ADCY3: variants seen among roughly 807,000 people sequenced by gnomAD.
The protein encoded by ADCY3 is adenylate cyclase type 3.
A neutral mutation model predicts 119.4 loss-of-function variants in ADCY3; 70 were observed. The ratio of observed to expected loss-of-function variants is 0.59; its 90% confidence interval spans 0.48 to 0.72. The LOEUF is 0.72. ADCY3 is among the 30% of genes least tolerant of loss of function. ADCY3 has a pLI of 0.00. For synonymous variants in ADCY3, 672 were observed against 621.4 expected (o/e 1.08, Z -1.21); for missense variants, 1,238 against 1,541.6 (o/e 0.80, Z 3.30).
chr2:24,912,055 AAC>A (rs1444805150), intron 2 of ADCY3, among the ~76,000 whole-genome samples: 1 of 152,228 alleles, frequency 6.6e-6, no homozygotes, highest in East Asian at 1.9e-4. Flanking sequence ...GAGCTCAGTA[AAC>A]ACAGCCACCT....
chr2:24,908,481 T>C (rs1663172985), intron 2 of ADCY3, among the ~76,000 whole-genome samples: 1 of 152,086 alleles, frequency 6.6e-6, no homozygotes, highest in Non-Finnish European at 1.5e-5. Context: ...AGAAAAGAGA[T>C]GAAAAAAGGA....
rs1487312914 is a variant in ADCY3, at chr2:24,841,674, G to T, written c.957-7C>A. On this transcript the variant is annotated splice_polypyrimidine_tract_variant and splice_region_variant and intron_variant, in intron 4 of 21. Transcript: ENST00000679454. The surrounding 1 kb of genome is among the most constrained non-coding windows in gnomAD (Gnocchi z 5.8). ...GATGTCGGCAAAGAGGATGCTGCATGAGGAAGGAACCGTGGGGGTGACGCT... is the reference window on the plus strand; with the variant it reads ...GATGTCGGCAAAGAGGATGCTGCATTAGGAAGGAACCGTGGGGGTGACGCT... The T allele has an allele frequency of 6.2e-7, 1 of 1,611,442 alleles. No individual in the cohort carries two copies. Among genetic ancestry groups the T allele is most frequent in the African/African-American group, 1.3e-5 (1 of 75,000 alleles).
chr2:24,914,089 A>G (rs1332988452), intron 2 of ADCY3, among the ~76,000 whole-genome samples: 1 of 152,084 alleles, frequency 6.6e-6, no homozygotes, highest in African/African-American at 2.4e-5. Context: ...AGTTTAGGGC[A>G]GTAAAGGGCA....
intron 3 of ADCY3, among the ~76,000 whole-genome samples, chr2:24,843,680 G>A (rs569887464): frequency 9.3e-4 from 142 of 152,372 alleles, no homozygotes; most frequent in Middle Eastern, 3.4e-3. Flanking sequence ...GGGAACAGAG[G>A]AAGAGCGGCA....
chr2:24,838,410 T>TG lies in ADCY3; in HGVS notation c.1533+34dup, dbSNP rs373752345. On this transcript the variant is annotated intron_variant, in intron 8 of 21. Coordinates refer to ENST00000679454, the MANE Select transcript of ADCY3 (RefSeq NM_004036.5). ...CCAACCCCCTAATCCAGGGGTGGGG[T>TG]GGGTGGGGTGGGTGGGGTGGGGTGG... The TG allele has an allele frequency of 4.1e-5, 19 of 464,982 alleles. No homozygotes were observed. In the African/African-American group the frequency reaches 1.0e-3, roughly 26 times the overall value. 28.8% of individuals were successfully genotyped at this position (464,982 alleles called of 1,614,324 possible).
rs1004935098 is a variant in ADCY3, at chr2:24,892,717, T to C, written c.676-19998A>G. On this transcript the variant is annotated intron_variant, in intron 2 of 21. Transcript: ENST00000679454. Reference sequence around the variant, plus strand: ...TACATATTTAGAATTATGATGTCTTTTGATGAATTGATTCCTCTGTCATTA... The same window carrying C: ...TACATATTTAGAATTATGATGTCTTCTGATGAATTGATTCCTCTGTCATTA... 8.5e-5 allele frequency among the ~76,000 whole-genome samples: 13 copies of C among 152,270 alleles called. No homozygotes were observed. The East Asian group carries it at 2.5e-3, about 29-fold the overall frequency.
At chr2:24,870,541 C>A (rs1674865548) in intron 3 of ADCY3, among the ~76,000 whole-genome samples, 1 of 152,138 alleles carries the variant, frequency 6.6e-6, no homozygotes, top group African/African-American at 2.4e-5. Flanking sequence ...CACCTCTGCA[C>A]CTCCCTTCCA....
At chr2:24,871,549 G>A (rs1271544151) in intron 3 of ADCY3, among the ~76,000 whole-genome samples, 4 of 152,216 alleles carry the variant, frequency 2.6e-5, no homozygotes, top group Non-Finnish European at 4.4e-5. Flanking sequence ...AGTGAGGCCC[G>A]ACGGTGGGGC....
intron 2 of ADCY3, among the ~76,000 whole-genome samples, chr2:24,897,198 C>T (rs955551165): frequency 1.3e-5 from 2 of 151,984 alleles, no homozygotes; most frequent in East Asian, 1.9e-4. Context: ...ACTGCCATTC[C>T]TGGTCTCTAA....
At chr2:24,908,996 T>G (rs1355571277) in intron 2 of ADCY3, among the ~76,000 whole-genome samples, 1 of 152,178 alleles carries the variant, frequency 6.6e-6, no homozygotes, top group Non-Finnish European at 1.5e-5. Flanking sequence ...CCCTACAGTT[T>G]TAGGTGCCAC....
At chr2:24,883,869 A>T (rs1219065621) in intron 2 of ADCY3, among the ~76,000 whole-genome samples, 4 of 152,214 alleles carry the variant, frequency 2.6e-5, no homozygotes, top group Non-Finnish European at 4.4e-5. Flanking sequence ...GTGGCCATGG[A>T]ACACAGCAAA....
At chr2:24,900,037 G>A (rs1451916702) in intron 2 of ADCY3, among the ~76,000 whole-genome samples, 3 of 151,612 alleles carry the variant, frequency 2.0e-5, no homozygotes. Context: ...ATACTACATA[G>A]TATTTTCCAG....
intron 2 of ADCY3, among the ~76,000 whole-genome samples, chr2:24,873,157 G>A (rs957657631): frequency 6.6e-6 from 1 of 152,242 alleles, no homozygotes; most frequent in African/African-American, 2.4e-5. Flanking sequence ...GGTAAGGAGG[G>A]TGCACAAATC....
chr2:24,850,857 C>G (rs895567387), intron 3 of ADCY3, among the ~76,000 whole-genome samples: 10 of 152,144 alleles, frequency 6.6e-5, no homozygotes, highest in Non-Finnish European at 8.8e-5. Flanking sequence ...CAATAAAGTA[C>G]AGAGAGAGAA....
intron 2 of ADCY3, among the ~76,000 whole-genome samples, chr2:24,915,854 C>A (rs1167875888): frequency 6.6e-6 from 1 of 152,144 alleles, no homozygotes; most frequent in Non-Finnish European, 1.5e-5. Context: ...TTTCCACCAT[C>A]TTCAGAGGCC....
rs960702943 is a variant in ADCY3 at position 24,834,392 on chromosome 2, A to G, written c.1967+93T>C. Reference sequence around the variant, plus strand: ...GGAGCAGAGACTGGCTTGCTCCCCAATGTCAGGCTCCCGCTGAGACACCTG... The same window carrying G: ...GGAGCAGAGACTGGCTTGCTCCCCAGTGTCAGGCTCCCGCTGAGACACCTG... On this transcript the variant is annotated intron_variant, in intron 11 of 21. Transcript: ENST00000679454. This position sits in a 1 kb window ranked among gnomAD's most constrained non-coding sequence, Gnocchi z 4.2. 26 of 1,429,516 alleles carry G rather than the reference A, an allele frequency of 1.8e-5. 1 individual carries two copies. The Admixed American group carries it at 2.3e-4, about 13-fold the overall frequency. The allele number at this position is 1,429,516 out of a possible 1,614,324, so 88.6% of individuals were successfully genotyped here.
chr2:24,861,656 C>A (rs1362755312), intron 3 of ADCY3, among the ~76,000 whole-genome samples: 2 of 152,212 alleles, frequency 1.3e-5, no homozygotes, highest in Non-Finnish European at 2.9e-5. Context: ...GCTCCGAAGA[C>A]CCGTCAGCTG....
rs142296896 is a variant in ADCY3, at chr2:24,843,762, C to T, written c.826-1378G>A. Reference sequence around the variant, plus strand: ...TCTGTGCGGGCACCTGCAGGCAGCGCTCAGGAGAGGCAGTGGGCTGAACCA... The same window carrying T: ...TCTGTGCGGGCACCTGCAGGCAGCGTTCAGGAGAGGCAGTGGGCTGAACCA... On this transcript the variant is annotated intron_variant, in intron 3 of 21. Coordinates refer to ENST00000679454, the MANE Select transcript of ADCY3 (RefSeq NM_004036.5). Among the ~76,000 whole-genome samples, 388 of 152,344 alleles carry T rather than the reference C, an allele frequency of 2.5e-3. 2 individuals carry two copies. The highest frequency in any genetic ancestry group is 0.014 in the Middle Eastern group (4 of 294).
chr2:24,835,933 CAAA>C (rs66514871), intron 9 of ADCY3, among the ~76,000 whole-genome samples: 22 of 129,696 alleles, frequency 1.7e-4, no homozygotes, highest in Non-Finnish European at 1.8e-4. Context: ...GACTCCATCT[CAAA>C]AAAAAAAAAA....
Sources: gnomAD v4.1 joint callset for allele counts (sites outside exome capture counted in the v4.1 genomes callset) on GRCh38, gnomAD v4.1.1 for gene constraint, Gnocchi (gnomAD v3.1) non-coding constraint, MANE v1.5 for transcripts, NCBI Gene and HGNC (gene_info 2026-07-23, HGNC 2026-07-21) for gene names.